The following ZDHHC14 variants were observed in gnomAD, a reference collection of about 807,000 sequenced individuals.
ZDHHC14 encodes the protein zDHHC palmitoyltransferase 14, also known as palmitoyltransferase ZDHHC14.
A neutral mutation model predicts 47.7 loss-of-function variants in ZDHHC14; 16 were observed. The observed-to-expected ratio is 0.34, with a 90% confidence interval of 0.23 to 0.51. ZDHHC14 has a LOEUF of 0.51. Among genes scored for constraint, ZDHHC14 ranks in the 20% least tolerant of loss-of-function variants. The probability of loss-of-function intolerance (pLI) is 0.97; values close to 1 mark genes in which losing one functional copy is unlikely to be tolerated. For missense variants in ZDHHC14, 515 were observed against 662.5 expected, an observed-to-expected ratio of 0.78 and a Z score of 2.44; for synonymous variants, 293 against 278.9, an observed-to-expected ratio of 1.05 and a Z score of -0.50.
chr6:157,399,944 T>C (rs975260845), intron 1 of ZDHHC14, among the ~76,000 whole-genome samples: 5 of 152,224 alleles, frequency 3.3e-5, no homozygotes, highest in African/African-American at 9.6e-5. Context: ...GTTGTCACCA[T>C]CAGGGCTGGA....
At chr6:157,450,169 A>G (rs143542364) in intron 1 of ZDHHC14, among the ~76,000 whole-genome samples, 1 of 152,014 alleles carries the variant, frequency 6.6e-6, no homozygotes, top group African/African-American at 2.4e-5. Context: ...AAAGGGGCAC[A>G]TTTATGGTAT....
At chr6:157,604,570 C>T (rs1472560265) in intron 3 of ZDHHC14, among the ~76,000 whole-genome samples, 4 of 150,074 alleles carry the variant, frequency 2.7e-5, no homozygotes, top group South Asian at 2.1e-4. Context: ...TTTTTTGAGA[C>T]GGATTCTTGC....
chr6:157,511,151 G>A (rs1780461830), intron 1 of ZDHHC14, among the ~76,000 whole-genome samples: 1 of 152,164 alleles, frequency 6.6e-6, no homozygotes, highest in South Asian at 2.1e-4. Flanking sequence ...GCCCTGCCGT[G>A]GGGGCAAAGA....
At chr6:157,660,884 A>G (rs1778317190) in intron 8 of ZDHHC14, among the ~76,000 whole-genome samples, 1 of 152,240 alleles carries the variant, frequency 6.6e-6, no homozygotes, top group Non-Finnish European at 1.5e-5. Flanking sequence ...AGTTTCATTC[A>G]AGTAATACAT....
intron 1 of ZDHHC14, among the ~76,000 whole-genome samples, chr6:157,432,639 T>A (rs1482441817): frequency 6.6e-6 from 1 of 152,178 alleles, no homozygotes; most frequent in African/African-American, 2.4e-5. Context: ...ACTTCCTGCG[T>A]GAGAGAATGA....
At chr6:157,479,412 C>A (rs1214082611) in intron 1 of ZDHHC14, among the ~76,000 whole-genome samples, 4 of 152,126 alleles carry the variant, frequency 2.6e-5, no homozygotes, top group Non-Finnish European at 5.9e-5. Context: ...TGATTTCTGA[C>A]AATCGGTTTC....
intron 1 of ZDHHC14, among the ~76,000 whole-genome samples, chr6:157,421,658 A>G (rs1294354508): frequency 6.6e-6 from 1 of 151,586 alleles, no homozygotes; most frequent in Non-Finnish European, 1.5e-5. Flanking sequence ...CCCAGGCTGG[A>G]ATGCAGTGGC....
At chr6:157,602,226 G>C (rs532591401) in intron 3 of ZDHHC14, among the ~76,000 whole-genome samples, 27 of 148,106 alleles carry the variant, frequency 1.8e-4, no homozygotes, top group Admixed American at 1.6e-3. Context: ...ATGCATTCAG[G>C]CTGGTCATGG....
chr6:157,545,161 A>G (rs141439787), intron 2 of ZDHHC14, among the ~76,000 whole-genome samples: 2 of 152,392 alleles, frequency 1.3e-5, no homozygotes, highest in East Asian at 1.9e-4. Context: ...AAATCTTTAC[A>G]GACAGAAAGG....
intron 1 of ZDHHC14, among the ~76,000 whole-genome samples, chr6:157,525,182 A>G (rs1036021473): frequency 2.0e-5 from 3 of 151,768 alleles, no homozygotes; most frequent in African/African-American, 7.3e-5. Context: ...TTTTTTTGAG[A>G]CAGAGTCTCA....
At chr6:157,446,154 G>T (rs940715670) in intron 1 of ZDHHC14, among the ~76,000 whole-genome samples, 1 of 151,888 alleles carries the variant, frequency 6.6e-6, no homozygotes, top group Non-Finnish European at 1.5e-5. Context: ...TTATGTTAAG[G>T]GACAATTGGC....
chr6:157,454,008 A>G (rs1583659109), intron 1 of ZDHHC14, among the ~76,000 whole-genome samples: 1 of 152,242 alleles, frequency 6.6e-6, no homozygotes, highest in African/African-American at 2.4e-5. Flanking sequence ...GGCTGTGACC[A>G]ATAGGAAAAA....
intron 3 of ZDHHC14, among the ~76,000 whole-genome samples, chr6:157,612,883 G>T (rs1421745037): frequency 6.6e-6 from 1 of 150,520 alleles, no homozygotes; most frequent in African/African-American, 2.5e-5. Flanking sequence ...GCCCTATGAT[G>T]AGGTTAGTGT....
intron 1 of ZDHHC14, among the ~76,000 whole-genome samples, chr6:157,501,902 C>T (rs1220894251): frequency 2.0e-5 from 3 of 152,190 alleles, no homozygotes; most frequent in Non-Finnish European, 4.4e-5. Flanking sequence ...TCAGCTTCTT[C>T]AGGACACAGG....
At chr6:157,490,524 A>G (rs912495041) in intron 1 of ZDHHC14, among the ~76,000 whole-genome samples, 1 of 152,266 alleles carries the variant, frequency 6.6e-6, no homozygotes, top group Non-Finnish European at 1.5e-5. Flanking sequence ...GTAATTATCT[A>G]GAAAATTCTT....
rs1407527187 is a variant in ZDHHC14, at chr6:157,586,770, G to C, written c.407-6218G>C. ...ATGGCATCGCTGGGCCCTGAATCCA[G>C]GTCTTCTGATCCTTCCATTTCTTTT... On this transcript the variant is annotated intron_variant, in intron 2 of 8. Coordinates refer to ENST00000359775, the MANE Select transcript of ZDHHC14 (RefSeq NM_024630.3). The surrounding 1 kb of genome is among the most constrained non-coding windows in gnomAD (Gnocchi z 4.6). Among the ~76,000 whole-genome samples the C allele has an allele frequency of 6.6e-6, 1 of 152,112 alleles. No individual in the cohort carries two copies. Among genetic ancestry groups the C allele is most frequent in the Non-Finnish European group, 1.5e-5 (1 of 68,034 alleles).
At chr6:157,528,453 T>C (rs112733163) in intron 1 of ZDHHC14, among the ~76,000 whole-genome samples, 30,449 of 150,256 alleles carry the variant, frequency 0.2, 4,220 homozygotes, top group African/African-American at 0.39. Flanking sequence ...CACGATAGGG[T>C]GGGCGCAGTG....
intron 1 of ZDHHC14, among the ~76,000 whole-genome samples, chr6:157,386,006 T>C (rs1210033260): frequency 1.3e-5 from 2 of 152,186 alleles, no homozygotes; most frequent in Non-Finnish European, 2.9e-5. Flanking sequence ...GTATAGTATA[T>C]ACAGTACAGT....
In ZDHHC14 at chr6:157,564,045, A is replaced by T. The variant is rs533247220; in HGVS notation, c.406+21300A>T. 5.3e-5 allele frequency among the ~76,000 whole-genome samples: 8 copies of T among 152,342 alleles called. No homozygotes were observed. The East Asian group carries it at 1.5e-3, about 29-fold the overall frequency. ...GGATGTCAGGGCCCTTGCAGAGAGG[A>T]AACTGGGCTGGAAATTCAAAGAATG... is the stretch of plus-strand genomic sequence containing the variant. On this transcript the variant is annotated intron_variant, in intron 2 of 8. Transcript: ENST00000359775.
Sources: gnomAD v4.1 joint callset for allele counts (sites outside exome capture counted in the v4.1 genomes callset) on GRCh38, gnomAD v4.1.1 for gene constraint, Gnocchi (gnomAD v3.1) non-coding constraint, MANE v1.5 for transcripts, NCBI Gene and HGNC (gene_info 2026-07-23, HGNC 2026-07-21) for gene names.